Variants in BBOF1 observed in about 807,000 individuals in gnomAD.
BBOF1 encodes basal body orientation factor 1, also known as basal body-orientation factor 1.
Under a neutral mutation model 68.0 loss-of-function variants are expected in BBOF1, and 62 were observed. The observed-to-expected ratio is 0.91, with a 90% CI of 0.74 to 1.13. The LOEUF (loss-of-function observed/expected upper bound fraction) is 1.13, where lower values mean the gene tolerates loss of function less well. BBOF1 is among the 50% of genes most tolerant of loss of function. The probability of loss-of-function intolerance (pLI) is 0.00; values close to 1 mark genes in which losing one functional copy is unlikely to be tolerated. For missense variants in BBOF1, 534 were observed against 600.1 expected (o/e 0.89, Z 1.15); for synonymous variants, 208 against 198.8 (o/e 1.05, Z -0.39).
At chr14:74,076,835 C>A (rs1302297126) in intron 9 of BBOF1, among the ~76,000 whole-genome samples, 1 of 152,096 alleles carries the variant, frequency 6.6e-6, no homozygotes, top group African/African-American at 2.4e-5. Flanking sequence ...CAGGTGTAAG[C>A]CACTGCACCC....
chr14:74,021,111 A>T (rs991813688), intron 1 of BBOF1, among the ~76,000 whole-genome samples: 8 of 152,206 alleles, frequency 5.3e-5, no homozygotes, highest in Admixed American at 5.2e-4. Flanking sequence ...ATTCAAATAC[A>T]GGTGAAATAT....
chr14:74,029,326 A>G (rs1038774304), intron 3 of BBOF1, 77 bp downstream of exon 3: 7 of 879,380 alleles, frequency 8.0e-6, no homozygotes, highest in Admixed American at 2.1e-5. Context: ...TTAAGACCCA[A>G]TGACAGTGAG....
In BBOF1 at chr14:74,057,124, T is replaced by G; in HGVS notation, c.1464-20T>G. ...GTGTGTAGAGTTGTTGACGGTTCTG[T>G]TATTTTGTCATTATTGCAGGGATGA... On this transcript the variant is annotated intron_variant, in intron 10 of 11. Transcript: ENST00000394009. The G allele has an allele frequency of 6.2e-7, 1 of 1,606,048 alleles. No individual in the cohort carries two copies. Among genetic ancestry groups the G allele is most frequent in the Non-Finnish European group, 8.5e-7 (1 of 1,175,028 alleles).
chr14:74,051,047 C>T (rs865916742), intron 8 of BBOF1, among the ~76,000 whole-genome samples: 1 of 151,942 alleles, frequency 6.6e-6, no homozygotes, highest in Admixed American at 6.6e-5. Context: ...AGTTCGAGAC[C>T]AGCCTGACCA....
intron 3 of BBOF1, among the ~76,000 whole-genome samples, chr14:74,033,527 G>A (rs756088384): frequency 1.1e-4 from 17 of 151,856 alleles, no homozygotes; most frequent in Middle Eastern, 3.2e-3. Context: ...CTGAGATCAC[G>A]CCACTACACT....
At chr14:74,067,908 G>C (rs1011523396), downstream of BBOF1, among the ~76,000 whole-genome samples, 1 of 151,054 alleles carries the variant, frequency 6.6e-6, no homozygotes, top group Non-Finnish European at 1.5e-5. Context: ...CTGGGTGACA[G>C]AGTGAGACCC....
At chr14:74,054,349 C>T (rs1365168412) in intron 8 of BBOF1, among the ~76,000 whole-genome samples, 2 of 149,834 alleles carry the variant, frequency 1.3e-5, no homozygotes, top group African/African-American at 2.5e-5. Context: ...GTCTGTGTCT[C>T]TAAATAAATA....
At position 74,055,679 on chromosome 14, in the gene BBOF1, C is replaced by T. The variant is rs200224133; in HGVS notation, c.1382C>T (p.Pro461Leu). ...CTCTTTGCAAAAATGAATGGCTGTC[C>T]TTCTAGGTAACTCCCTATTTCTGCA... ...RLLFAKMNGC[P>L]SRKYNQSSRP... The change falls in exon 9 of 12, where the codon CCT (proline) becomes CTT (leucine). Residue 461 changes from proline to leucine, a missense_variant. Transcript: ENST00000394009. 56 of 1,611,194 alleles carry T rather than the reference C, an allele frequency of 3.5e-5. No individual in the cohort carries two copies. Among genetic ancestry groups the T allele is most frequent in the South Asian group, 1.1e-4 (10 of 90,874 alleles).
intron 3 of BBOF1, among the ~76,000 whole-genome samples, chr14:74,029,682 CAA>C (rs1179777105): frequency 5.8e-5 from 6 of 104,346 alleles, no homozygotes; most frequent in Non-Finnish European, 8.1e-5. Flanking sequence ...AACTTCATCT[CAA>C]AAAAAAAAAA....
chr14:74,071,479 C>T (rs2060548305), intron 9 of BBOF1: 2 of 1,613,924 alleles, frequency 1.2e-6, no homozygotes, highest in African/African-American at 1.3e-5. Flanking sequence ...TGTCACACTA[C>T]AGGCATGCTC....
chr14:74,035,507 C>A (rs1461008970), intron 4 of BBOF1, among the ~76,000 whole-genome samples: 2 of 149,132 alleles, frequency 1.3e-5, no homozygotes, highest in African/African-American at 5.0e-5. Context: ...ACCTCTGCCT[C>A]CTGGGTTCAA....
chr14:74,020,277 G>T (rs557387525), intron 1 of BBOF1, among the ~76,000 whole-genome samples: 1 of 151,532 alleles, frequency 6.6e-6, no homozygotes, highest in Non-Finnish European at 1.5e-5. Context: ...TGCACAGTTA[G>T]TCTAGCCCTT....
At chr14:74,055,504 T>A in intron 8 of BBOF1, 80 bp from the exon 9 acceptor site, 1 of 891,894 alleles carries the variant, frequency 1.1e-6, no homozygotes, top group Non-Finnish European at 1.8e-6. Flanking sequence ...TGTTTACCCA[T>A]TATATATTTT....
chr14:74,043,859 G>A (rs2059890518), intron 5 of BBOF1, among the ~76,000 whole-genome samples: 1 of 151,856 alleles, frequency 6.6e-6, no homozygotes, highest in Non-Finnish European at 1.5e-5. Flanking sequence ...TATATTGCTA[G>A]TCCCTCCTTC....
chr14:74,065,037 T>G lies in BBOF1; in HGVS notation c.*338T>G. 1 of 1,373,978 alleles carries G rather than the reference T, an allele frequency of 7.3e-7. No individual in the cohort carries two copies. The highest frequency in any genetic ancestry group is 1.0e-6 in the Non-Finnish European group (1 of 979,226). 85.1% of individuals were successfully genotyped at this position (1,373,978 alleles called of 1,614,324 possible). A position where few individuals can be genotyped will look rare whatever the true frequency, so the allele number is the denominator to read the frequency against. ...ACCTTCTACCCTATCCTCTACCCCA[T>G]GAACTTTCATTCCTGAGGAAGAAAT... On this transcript the variant is annotated 3_prime_UTR_variant, in exon 12 of 12. Transcript: ENST00000394009.
chr14:74,064,272 T>G (rs1284205703), intron 11 of BBOF1, among the ~76,000 whole-genome samples: 1 of 147,214 alleles, frequency 6.8e-6, no homozygotes, highest in Admixed American at 6.9e-5. Flanking sequence ...CACTCCAGCC[T>G]GGGCAACAGA....
chr14:74,067,350 T>C (rs1158539149), downstream of BBOF1: 1 of 1,611,894 alleles, frequency 6.2e-7, no homozygotes, highest in East Asian at 2.2e-5. Context: ...AGATGCAAAA[T>C]CTAAGGGGGC....
chr14:74,066,125 G>T, downstream of BBOF1: 1 of 155,414 alleles, frequency 6.4e-6, no homozygotes, highest in Admixed American at 6.3e-5. Context: ...ATATTGGGTG[G>T]TTGATATATT....
chr14:74,034,072 C>G lies in BBOF1; in HGVS notation c.396C>G (p.Phe132Leu). Reference protein sequence around the residue: ...TRQINELEGQFHQKAKEIGMI... With the variant: ...TRQINELEGQLHQKAKEIGMI... ...AAATTAATGAACTAGAGGGACAGTT[C>G]CATCAAAAAGCCAAAGAAATTGGCA... Residue 132 changes from phenylalanine to leucine, a missense_variant, in exon 4 of 12, where the codon TTC (phenylalanine) becomes TTG (leucine). Transcript: ENST00000394009. The G allele has an allele frequency of 1.2e-6, 2 of 1,607,742 alleles. No individual in the cohort carries two copies. Among genetic ancestry groups the G allele is most frequent in the Non-Finnish European group, 1.7e-6 (2 of 1,177,356 alleles).
Sources: allele counts gnomAD v4.1 joint callset (sites outside exome capture counted in the v4.1 genomes callset), GRCh38; gene constraint gnomAD v4.1.1; transcripts MANE v1.5; gene names NCBI Gene and HGNC (gene_info 2026-07-23, HGNC 2026-07-21).